FGD5: variants seen among roughly 807,000 people sequenced by gnomAD.
The protein encoded by FGD5 is FYVE, RhoGEF and PH domain-containing protein 5.
FGD5 carries 28 observed loss-of-function variants against 133.4 expected under a neutral mutation model. The observed-to-expected ratio is 0.21, with a 90% CI of 0.16 to 0.29. FGD5 has a LOEUF of 0.29. Ranked by LOEUF, FGD5 falls within the 10% of genes least tolerant of loss-of-function variation. The pLI, the probability that FGD5 is intolerant of heterozygous loss-of-function variation, is 1.00. For missense variants in FGD5, 1,858 were observed against 1,895.2 expected, an observed-to-expected ratio of 0.98 and a Z score of 0.36; for synonymous variants, 810 against 776.5, an observed-to-expected ratio of 1.04 and a Z score of -0.72.
upstream of FGD5, among the ~76,000 whole-genome samples, chr3:14,815,209 G>A (rs1443367598): frequency 1.3e-5 from 2 of 152,022 alleles, no homozygotes; most frequent in African/African-American, 2.4e-5. Flanking sequence ...TCTCCTGCTC[G>A]ATCACTCCGT....
chr3:14,926,210 C>T lies in FGD5; in HGVS notation c.4197+12C>T, dbSNP rs774131660. The stretch of plus-strand genomic sequence containing the variant: ...ACATGGCCAGTGAGGTAGTAGTGAT[C>T]TGCACTCTCTCCCCTCTCCTCTCTC... On this transcript the variant is annotated intron_variant, in intron 18 of 19. Transcript: ENST00000285046. 5.6e-6 allele frequency: 9 copies of T among 1,612,418 alleles called. No homozygotes were observed. In the South Asian group the frequency reaches 6.6e-5, roughly 12 times the overall value.
At position 14,864,244 on chromosome 3, in the gene FGD5, C is replaced by A; in HGVS notation, c.2642C>A (p.Pro881His). The change falls in exon 2 of 20, where the codon CCC becomes CAC. Residue 881 changes from proline (P) to histidine (H), a missense_variant. Transcript: ENST00000285046. ...SEEEDSASRD[P>H]SVTHKVEGQS... ...GAGGAGGACAGTGCTTCAAGAGACC[C>A]CAGTGTCACCCACAAGGTAGGGCAC... is the stretch of plus-strand genomic sequence containing the variant. 6.2e-7 allele frequency: 1 copy of A among 1,613,964 alleles called. No homozygotes were observed. The highest frequency in any genetic ancestry group is 8.5e-7 in the Non-Finnish European group (1 of 1,179,874).
Position 14,898,006 on chromosome 3 carries a change from C to G in FGD5, c.2977C>G (p.His993Asp), listed in dbSNP as rs749054617. The change falls in exon 6 of 20, where the codon CAC becomes GAC. Residue 993 changes from histidine (H) to aspartate (D), a missense_variant. By Grantham distance (81) the His-to-Asp change is moderately conservative. This residue lies in a region of FGD5 where 1,824 missense variants were observed against 1,848.9 expected (regional missense o/e 0.99). Transcript: ENST00000285046. ...GCAGGGGTTTGATCACCACGCCACT[C>G]ACATCCTGCAGTTCGACAGGTACCT... is the stretch of plus-strand genomic sequence containing the variant. The part of the protein sequence containing the change: ...REQGFDHHAT[H>D]ILQFDRYLGL... 6.2e-7 allele frequency: 1 copy of G among 1,613,842 alleles called. No homozygotes were observed.
chr3:14,932,482 A>G, intron 18 of FGD5, 95 bp from the exon 19 acceptor site: 2 of 1,423,968 alleles, frequency 1.4e-6, no homozygotes, highest in Middle Eastern at 3.7e-4. Context: ...CACCCCACAC[A>G]GAGGCACTCT....
chr3:14,832,164 T>C (rs2036723162), intron 1 of FGD5, among the ~76,000 whole-genome samples: 2 of 151,836 alleles, frequency 1.3e-5, no homozygotes, highest in Admixed American at 6.6e-5. Context: ...CCGTGAGGAG[T>C]CTGAGAGATA....
chr3:14,839,164 C>T (rs2036869684), intron 1 of FGD5, among the ~76,000 whole-genome samples: 1 of 152,228 alleles, frequency 6.6e-6, no homozygotes, highest in Non-Finnish European at 1.5e-5. Flanking sequence ...GTGGGAAATG[C>T]ACAGGCTTCT....
At chr3:14,856,174 G>A (rs2037273882) in intron 1 of FGD5, among the ~76,000 whole-genome samples, 1 of 152,122 alleles carries the variant, frequency 6.6e-6, no homozygotes, top group African/African-American at 2.4e-5. Flanking sequence ...CAAAACATTA[G>A]TTGTCTGTAT....
chr3:14,928,466 C>T (rs930430300), intron 18 of FGD5, among the ~76,000 whole-genome samples: 8 of 151,746 alleles, frequency 5.3e-5, no homozygotes, highest in Admixed American at 1.3e-4. Flanking sequence ...GTGAACTAGC[C>T]GGGCATGGTG....
At chr3:14,844,390 C>T (rs2037005095) in intron 1 of FGD5, among the ~76,000 whole-genome samples, 2 of 149,588 alleles carry the variant, frequency 1.3e-5, no homozygotes, top group Admixed American at 1.3e-4. Flanking sequence ...CTTAGAGAAA[C>T]ACTGCCCTGT....
chr3:14,865,170 CAA>C (rs1314734859), intron 2 of FGD5, among the ~76,000 whole-genome samples: 3 of 121,982 alleles, frequency 2.5e-5, no homozygotes, highest in Non-Finnish European at 3.2e-5. Context: ...ACTGGAGAGG[CAA>C]AGAGTGAAGC....
chr3:14,894,830 A>G (rs1575238756), intron 4 of FGD5, among the ~76,000 whole-genome samples: 1 of 151,878 alleles, frequency 6.6e-6, no homozygotes, highest in Non-Finnish European at 1.5e-5. Flanking sequence ...TTACATTCTC[A>G]CTGACAAGAG....
At chr3:14,915,282 A>G (rs1166650363) in intron 11 of FGD5, among the ~76,000 whole-genome samples, 1 of 152,236 alleles carries the variant, frequency 6.6e-6, no homozygotes, top group Non-Finnish European at 1.5e-5. Context: ...GAGAAGAGCT[A>G]GCTGTGGGAA....
At chr3:14,856,093 A>G (rs1000905709) in intron 1 of FGD5, among the ~76,000 whole-genome samples, 5 of 152,146 alleles carry the variant, frequency 3.3e-5, no homozygotes, top group Non-Finnish European at 4.4e-5. Context: ...ATTCCTCTAC[A>G]TATGGATATT....
chr3:14,823,915 C>CT (rs2036554114), intron 1 of FGD5, among the ~76,000 whole-genome samples: 1 of 152,226 alleles, frequency 6.6e-6, no homozygotes, highest in South Asian at 2.1e-4. Flanking sequence ...AATAAAATAT[C>CT]TAAGACAACG....
At chr3:14,876,877 T>C (rs1473855339) in intron 2 of FGD5, among the ~76,000 whole-genome samples, 2 of 152,216 alleles carry the variant, frequency 1.3e-5, no homozygotes, top group East Asian at 1.9e-4. Flanking sequence ...ACTCTTTGTG[T>C]GACCCGCTGT....
chr3:14,854,772 A>G (rs73139442), intron 1 of FGD5, among the ~76,000 whole-genome samples: 8,377 of 152,250 alleles, frequency 0.055, 792 homozygotes, highest in African/African-American at 0.19. Context: ...CATTAGGTCC[A>G]TAGTGATGTT....
At chr3:14,876,820 T>C (rs1268538568) in intron 2 of FGD5, among the ~76,000 whole-genome samples, 1 of 152,244 alleles carries the variant, frequency 6.6e-6, no homozygotes, top group East Asian at 1.9e-4. Context: ...CACCCAGTTT[T>C]ACAGTTGGAA....
Position 14,820,751 on chromosome 3 carries a change from G to A in FGD5, c.1680G>A (p.Val560=), listed in dbSNP as rs931633612. The A allele has an allele frequency of 3.7e-6, 6 of 1,611,134 alleles. No individual in the cohort carries two copies. The African/African-American group carries it at 6.7e-5, about 18-fold the overall frequency. ...SFSVEGREIP[V]SVYQEPEGSG... ...CCGTGGAAGGCCGAGAGATTCCAGT[G>A]TCCGTGTACCAGGAGCCTGAGGGGT... The change falls in exon 1 of 20, where the codon GTG becomes GTA. Residue 560 remains valine, a synonymous_variant. Coordinates refer to ENST00000285046, the MANE Select transcript of FGD5 (RefSeq NM_152536.4).
intron 1 of FGD5, among the ~76,000 whole-genome samples, chr3:14,848,233 C>A (rs1687294): frequency 0.86 from 130,325 of 152,028 alleles, 55,996 homozygotes; most frequent in East Asian, 0.98. Context: ...TTGTGGGAGG[C>A]AAAAGTCCCA....
Sources: allele counts gnomAD v4.1 joint callset (sites outside exome capture counted in the v4.1 genomes callset), GRCh38; gene constraint gnomAD v4.1.1; regional missense constraint gnomAD v4.1.1; transcripts MANE v1.5; gene names NCBI Gene and HGNC (gene_info 2026-07-23, HGNC 2026-07-21).